Variants in DNM2 observed in about 807,000 individuals in gnomAD.
The protein encoded by DNM2 is dynamin-2.
In DNM2, 15 loss-of-function variants were observed where a neutral mutation model predicts 99.0. The ratio of observed to expected loss-of-function variants is 0.15; its 90% CI spans 0.10 to 0.23. The LOEUF is 0.23. DNM2 is among the 10% of genes least tolerant of loss of function. The pLI is 1.00. For missense variants in DNM2, 742 were observed against 1,189.4 expected (o/e 0.62, Z 5.53); for synonymous variants, 525 against 481.2 (o/e 1.09, Z -1.19).
intron 1 of DNM2, among the ~76,000 whole-genome samples, chr19:10,747,466 G>A (rs903981515): frequency 1.3e-5 from 2 of 152,220 alleles, no homozygotes; most frequent in African/African-American, 2.4e-5. Flanking sequence ...GTGATGCCAC[G>A]GCTTGAGTGC....
At chr19:10,757,189 C>T (rs962161929) in intron 1 of DNM2, among the ~76,000 whole-genome samples, 1 of 152,156 alleles carries the variant, frequency 6.6e-6, no homozygotes, top group African/African-American at 2.4e-5. Flanking sequence ...CTTCGTAGCC[C>T]TGTTGCCCAT....
chr19:10,828,619 G>C (rs1277224228), intron 18 of DNM2, among the ~76,000 whole-genome samples: 1 of 151,228 alleles, frequency 6.6e-6, no homozygotes, highest in Non-Finnish European at 1.5e-5. Context: ...GATATAACAG[G>C]ATTATTCTGC....
At chr19:10,722,524 T>C (rs1389582481) in intron 1 of DNM2, among the ~76,000 whole-genome samples, 1 of 151,878 alleles carries the variant, frequency 6.6e-6, no homozygotes, top group Non-Finnish European at 1.5e-5. Flanking sequence ...TTTGTATTTT[T>C]AGTAGAGACG....
chr19:10,744,149 C>T (rs929832745), intron 1 of DNM2, among the ~76,000 whole-genome samples: 9 of 150,800 alleles, frequency 6.0e-5, no homozygotes. Flanking sequence ...CAGAGCCAGA[C>T]TCCATCTAAA....
chr19:10,729,695 G>A (rs2069244398), intron 1 of DNM2, among the ~76,000 whole-genome samples: 1 of 152,090 alleles, frequency 6.6e-6, no homozygotes, highest in Non-Finnish European at 1.5e-5. Context: ...TTGGAAAAAG[G>A]GAAACCATTA....
In DNM2 at chr19:10,817,972, G is replaced by A. The variant is rs2072824192; in HGVS notation, c.1672-2008G>A. Among the ~76,000 whole-genome samples the A allele has an allele frequency of 6.6e-6, 1 of 152,136 alleles. No individual in the cohort carries two copies. Among genetic ancestry groups the A allele is most frequent in the Non-Finnish European group, 1.5e-5 (1 of 68,004 alleles). ...GCTGGCTGGAAGCTTCCGGCCGCGT[G>A]ATATGATAGGGTCAGGGCAGCAAAG... On this transcript the variant is annotated intron_variant, in intron 15 of 20. Transcript: ENST00000389253. This position sits in a 1 kb window ranked among gnomAD's most constrained non-coding sequence, Gnocchi z 4.6.
chr19:10,757,859 C>T (rs773588079), intron 1 of DNM2, among the ~76,000 whole-genome samples: 6 of 149,630 alleles, frequency 4.0e-5, no homozygotes, highest in Admixed American at 6.7e-5. Context: ...GCAGGAGAAT[C>T]GCTTGAACCC....
In DNM2 at chr19:10,798,586, G is replaced by A; in HGVS notation, c.1422+14G>A. The A allele has an allele frequency of 6.2e-7, 1 of 1,614,160 alleles. No homozygotes were observed. Among genetic ancestry groups the A allele is most frequent in the South Asian group, 1.1e-5 (1 of 91,088 alleles). On this transcript the variant is annotated intron_variant, in intron 11 of 20. Coordinates refer to ENST00000389253, the MANE Select transcript of DNM2 (RefSeq NM_001005361.3). ...ACGAAGGACCAGGTACTGGCCTTTT[G>A]TCTTCTTTATTGGGTATAATTTACA...
In DNM2 at chr19:10,817,511, A is replaced by G. The variant is rs775320201; in HGVS notation, c.1672-2469A>G. On this transcript the variant is annotated intron_variant, in intron 15 of 20. Coordinates refer to ENST00000389253, the MANE Select transcript of DNM2 (RefSeq NM_001005361.3). The surrounding 1 kb of genome is among the most constrained non-coding windows in gnomAD (Gnocchi z 4.6). ...ACTGGGTTGGCGGGGCCGGCTATCC[A>G]TCCTGCAGAACCCCCCAGGCAGACG... 1 of 454,684 alleles carries G rather than the reference A, an allele frequency of 2.2e-6. No homozygotes were observed. Among genetic ancestry groups the G allele is most frequent in the Non-Finnish European group, 4.5e-6 (1 of 220,658 alleles). The allele number at this position is 454,684 out of a possible 1,614,324, so 28.2% of individuals were successfully genotyped here.
intron 5 of DNM2, among the ~76,000 whole-genome samples, chr19:10,778,584 C>T (rs1048949268): frequency 6.6e-6 from 1 of 151,916 alleles, no homozygotes; most frequent in African/African-American, 2.4e-5. Flanking sequence ...CCCAGGAGTT[C>T]GAAGCTGCAG....
chr19:10,801,144 A>G lies in DNM2; in HGVS notation c.1423-1144A>G, dbSNP rs1407679651. ...AACACGGTGAAAACCCGTCTCTACT[A>G]AAATACAAAAAATTAGCCAGGTGGT... On this transcript the variant is annotated intron_variant, in intron 11 of 20. Transcript: ENST00000389253. Among the ~76,000 whole-genome samples the G allele has an allele frequency of 3.9e-5, 6 of 152,076 alleles. No homozygotes were observed. In the South Asian group the frequency reaches 1.0e-3, roughly 26 times the overall value.
At chr19:10,786,390 C>G in intron 6 of DNM2, 174 bp from the exon 7 acceptor site, 1 of 1,098,122 alleles carries the variant, frequency 9.1e-7, no homozygotes. Context: ...TCTCCGTTCC[C>G]AGACATGAGT....
intron 14 of DNM2, chr19:10,808,791 A>G: frequency 2.0e-6 from 1 of 504,160 alleles, no homozygotes; most frequent in Non-Finnish European, 3.5e-6. Context: ...CTGGACCGCC[A>G]CCCTTGAAGG....
intron 1 of DNM2, among the ~76,000 whole-genome samples, chr19:10,736,618 G>GT (rs2069536564): frequency 6.7e-6 from 1 of 150,198 alleles, no homozygotes; most frequent in Non-Finnish European, 1.5e-5. Context: ...TTGTTTGTTT[G>GT]TTTGTTTAGA....
At chr19:10,762,536 G>A (rs1015546551) in intron 2 of DNM2, among the ~76,000 whole-genome samples, 2 of 152,146 alleles carry the variant, frequency 1.3e-5, no homozygotes, top group African/African-American at 4.8e-5. Flanking sequence ...TAAAGCACAC[G>A]TTATTTACTA....
At position 10,821,914 on chromosome 19, in the gene DNM2, G is replaced by A. The variant is rs3786720; in HGVS notation, c.1781+1825G>A. ...ATGATGTCCCAGGCAGCAGCAGGAA[G>A]GAGAGGAGGAGCTACAAGGGCATGC... On this transcript the variant is annotated intron_variant, in intron 16 of 20. Coordinates refer to ENST00000389253, the MANE Select transcript of DNM2 (RefSeq NM_001005361.3). Among the ~76,000 whole-genome samples the A allele has an allele frequency of 9.4e-3, 1,431 of 152,302 alleles. 98 individuals carry two copies. In the East Asian group the frequency reaches 0.17, roughly 18 times the overall value.
intron 2 of DNM2, among the ~76,000 whole-genome samples, chr19:10,767,268 G>A (rs1451804944): frequency 2.6e-5 from 4 of 151,690 alleles, no homozygotes; most frequent in Non-Finnish European, 5.9e-5. Flanking sequence ...CGCATGCAGC[G>A]TTCCAGAGGC....
At chr19:10,720,935 CTG>C (rs2068918529) in intron 1 of DNM2, among the ~76,000 whole-genome samples, 1 of 152,108 alleles carries the variant, frequency 6.6e-6, no homozygotes, top group South Asian at 2.1e-4. Flanking sequence ...GAGCAGGAAA[CTG>C]AGGCTCAGAT....
At chr19:10,787,334 G>C (rs2071595665) in intron 7 of DNM2, among the ~76,000 whole-genome samples, 2 of 152,080 alleles carry the variant, frequency 1.3e-5, no homozygotes, top group African/African-American at 4.8e-5. Context: ...AGCCAGGCGT[G>C]GTGGTGGGCG....
Sources: allele counts gnomAD v4.1 joint callset (sites outside exome capture counted in the v4.1 genomes callset), GRCh38; gene constraint gnomAD v4.1.1; non-coding constraint Gnocchi (gnomAD v3.1); transcripts MANE v1.5; gene names NCBI Gene and HGNC (gene_info 2026-07-23, HGNC 2026-07-21).